Variants in ERICH1 observed in about 807,000 individuals in gnomAD.
ERICH1 encodes glutamate-rich protein 1.
A neutral mutation model predicts 39.6 loss-of-function variants in ERICH1; 56 were observed. That is an observed-to-expected ratio of 1.41 (90% confidence interval 1.14 to 1.77). The LOEUF (loss-of-function observed/expected upper bound fraction) is 1.77. Among genes scored for constraint, ERICH1 ranks in the 40% most tolerant of loss-of-function variants. The probability of loss-of-function intolerance (pLI) is 0.00; values close to 1 mark genes in which losing one functional copy is unlikely to be tolerated. For synonymous variants in ERICH1, 313 were observed against 223.6 expected, an observed-to-expected ratio of 1.40 and a Z score of -3.57; for missense variants, 826 against 575.4, an observed-to-expected ratio of 1.44 and a Z score of -4.45.
chr8:639,173 T>G (rs963717167), intron 3 of ERICH1, among the ~76,000 whole-genome samples: 1 of 152,120 alleles, frequency 6.6e-6, no homozygotes, highest in African/African-American at 2.4e-5. Context: ...TGGATTCTGC[T>G]TTTTCTACTC....
chr8:701,708 A>G (rs753480333), intron 2 of ERICH1, among the ~76,000 whole-genome samples: 6 of 152,210 alleles, frequency 3.9e-5, no homozygotes, highest in Non-Finnish European at 7.4e-5. Flanking sequence ...TTAGATAAAG[A>G]TTTCTTAAAC....
At chr8:649,610 A>G (rs1437000285) in intron 3 of ERICH1, among the ~76,000 whole-genome samples, 2 of 144,056 alleles carry the variant, frequency 1.4e-5, no homozygotes, top group African/African-American at 5.0e-5. Flanking sequence ...GGGGAGGGGG[A>G]TTGGGGTGGG....
rs570221517 is a variant in ERICH1 at position 620,260 on chromosome 8, C to T, written c.977-4976G>A. On this transcript the variant is annotated intron_variant, in intron 3 of 3. Coordinates refer to the ERICH1 transcript ENST00000522706. The stretch of plus-strand genomic sequence containing the variant: ...CCAGGAGGCGGAGGTTGTAGTGAGC[C>T]GAGATTGTGCCACTGCACTCCAGCC... Among the ~76,000 whole-genome samples, 18 of 152,114 alleles carry T rather than the reference C, an allele frequency of 1.2e-4. No homozygotes were observed. In the South Asian group the frequency reaches 2.5e-3, roughly 21 times the overall value.
chr8:649,525 CG>C (rs757765829), intron 3 of ERICH1, among the ~76,000 whole-genome samples: 72 of 150,652 alleles, frequency 4.8e-4, no homozygotes, highest in Admixed American at 1.8e-3. Context: ...CCCTGGGCCC[CG>C]GGGGGAAGAT....
downstream of ERICH1, among the ~76,000 whole-genome samples, chr8:663,947 G>C (rs1245806765): frequency 1.3e-5 from 2 of 152,108 alleles, no homozygotes; most frequent in Non-Finnish European, 2.9e-5. Context: ...TTTTAATAGA[G>C]ATGGGGTTTC....
chr8:653,718 A>G (rs1266429821), intron 3 of ERICH1, among the ~76,000 whole-genome samples: 4 of 152,250 alleles, frequency 2.6e-5, no homozygotes, highest in African/African-American at 9.6e-5. Context: ...GACACAGGCT[A>G]TAACACGAGG....
intron 3 of ERICH1, among the ~76,000 whole-genome samples, chr8:679,568 A>G (rs2131936894): frequency 6.6e-6 from 1 of 152,318 alleles, no homozygotes; most frequent in East Asian, 1.9e-4. Flanking sequence ...GCTGCTACAA[A>G]TATTCCATGC....
At chr8:661,061 C>T (rs1394795370), downstream of ERICH1, among the ~76,000 whole-genome samples, 1 of 152,176 alleles carries the variant, frequency 6.6e-6, no homozygotes, top group Non-Finnish European at 1.5e-5. Context: ...CTCACTGCAC[C>T]ACAGTATCCT....
chr8:616,365 T>A (rs553561419), intron 3 of ERICH1: 17 of 350,126 alleles, frequency 4.9e-5, no homozygotes, highest in South Asian at 2.5e-4. Context: ...GTCGGCCAGG[T>A]GTGGGCGGCC....
chr8:615,198 T>C, exon 4 of ERICH1: 2 of 661,008 alleles, frequency 3.0e-6, no homozygotes, highest in East Asian at 2.7e-5. Context: ...TGACCTGGAA[T>C]TGTCCAAGTC....
intron 3 of ERICH1, among the ~76,000 whole-genome samples, chr8:656,126 C>G (rs949398852): frequency 2.0e-5 from 3 of 152,146 alleles, no homozygotes; most frequent in Non-Finnish European, 4.4e-5. Flanking sequence ...AGGTCTTCTC[C>G]GAATGGCCTC....
intron 4 of ERICH1, chr8:671,939 T>G (rs1381685305): frequency 1.3e-5 from 2 of 159,328 alleles, no homozygotes; most frequent in African/African-American, 4.8e-5. Flanking sequence ...TGCTTTTGGT[T>G]TCTCAACCTG....
At chr8:699,311 G>A (rs527644229) in intron 2 of ERICH1, among the ~76,000 whole-genome samples, 1 of 152,250 alleles carries the variant, frequency 6.6e-6, no homozygotes, top group Admixed American at 6.5e-5. Flanking sequence ...CCCACCAGAG[G>A]GCTGGACAGA....
At chr8:659,966 A>G (rs1330344282), downstream of ERICH1, among the ~76,000 whole-genome samples, 1 of 152,194 alleles carries the variant, frequency 6.6e-6, no homozygotes, top group African/African-American at 2.4e-5. Flanking sequence ...TCCTCATTCA[A>G]TCCCTTACAA....
chr8:688,151 A>G (rs893832013), intron 3 of ERICH1, among the ~76,000 whole-genome samples: 8 of 152,164 alleles, frequency 5.3e-5, no homozygotes, highest in Non-Finnish European at 1.0e-4. Flanking sequence ...AGGCGGGGCA[A>G]GTGCGCCCTC....
chr8:634,168 C>CAAAA (rs56687918), intron 3 of ERICH1, among the ~76,000 whole-genome samples: 13 of 91,974 alleles, frequency 1.4e-4, no homozygotes, highest in South Asian at 1.0e-3. Context: ...TCCTAAAACT[C>CAAAA]AAAAAAAAAA....
At chr8:677,001 C>G (rs753976650) in intron 3 of ERICH1, among the ~76,000 whole-genome samples, 5 of 152,244 alleles carry the variant, frequency 3.3e-5, no homozygotes, top group Non-Finnish European at 5.9e-5. Context: ...AGTTCCTCTT[C>G]CACAATGAAG....
At chr8:704,371 G>T (rs991644090) in intron 2 of ERICH1, among the ~76,000 whole-genome samples, 1 of 152,166 alleles carries the variant, frequency 6.6e-6, no homozygotes, top group Non-Finnish European at 1.5e-5. Context: ...TCTGGAAGAG[G>T]CCACGGAAGA....
At chr8:712,398 G>C (rs1045026685) in intron 2 of ERICH1, among the ~76,000 whole-genome samples, 1 of 151,804 alleles carries the variant, frequency 6.6e-6, no homozygotes, top group Admixed American at 6.6e-5. Context: ...TATTATGGGG[G>C]GGTGGTAATA....
Sources: allele counts gnomAD v4.1 joint callset (sites outside exome capture counted in the v4.1 genomes callset), GRCh38; gene constraint gnomAD v4.1.1; transcripts MANE v1.5; gene names NCBI Gene and HGNC (gene_info 2026-07-23, HGNC 2026-07-21).